Variants in TASP1 observed in about 807,000 individuals in gnomAD.
TASP1 encodes taspase 1, also known as threonine aspartase 1.
In TASP1, 16 loss-of-function variants were observed where a neutral mutation model predicts 56.6. That is an observed-to-expected ratio of 0.28 (90% CI 0.19 to 0.43). The LOEUF is 0.43. TASP1 is among the 20% of genes least tolerant of loss of function. The probability of loss-of-function intolerance (pLI) is 1.00; values close to 1 mark genes in which losing one functional copy is unlikely to be tolerated. For synonymous variants in TASP1, 179 were observed against 184.2 expected, an observed-to-expected ratio of 0.97 and a Z score of 0.23; for missense variants, 393 against 511.6, an observed-to-expected ratio of 0.77 and a Z score of 2.24.
At chr20:13,237,420 C>G in the TASP1 span, among the ~76,000 whole-genome samples, 960 of 152,308 alleles carry the variant, frequency 6.3e-3, 17 homozygotes, top group African/African-American at 0.022. Context: ...ATGCAACATG[C>G]ACAATTTCAC....
At chr20:13,155,721 G>T in the TASP1 span, among the ~76,000 whole-genome samples, 1 of 152,128 alleles carries the variant, frequency 6.6e-6, no homozygotes, top group Non-Finnish European at 1.5e-5. Flanking sequence ...AGCTACTCGG[G>T]AGGCTGAGGC....
intron 10 of TASP1, among the ~76,000 whole-genome samples, chr20:13,523,138 T>C (rs1427664005): frequency 6.6e-6 from 1 of 151,926 alleles, no homozygotes. Context: ...GTATAGAAAA[T>C]TCCTTGAGGT....
chr20:13,298,589 A>G, the TASP1 span, among the ~76,000 whole-genome samples: 1 of 152,236 alleles, frequency 6.6e-6, no homozygotes, highest in African/African-American at 2.4e-5. Context: ...AAACAAATAT[A>G]ATAATAGTTA....
chr20:13,343,561 C>A, the TASP1 span, among the ~76,000 whole-genome samples: 9 of 150,096 alleles, frequency 6.0e-5, no homozygotes, highest in Admixed American at 5.9e-4. Context: ...CTGGATGGGG[C>A]CGCCCCACCC....
At chr20:13,269,394 A>G in the TASP1 span, among the ~76,000 whole-genome samples, 3 of 152,234 alleles carry the variant, frequency 2.0e-5, no homozygotes, top group Admixed American at 6.5e-5. Context: ...CAGCTGGGAA[A>G]AACAGTGGGC....
intron 13 of TASP1, among the ~76,000 whole-genome samples, chr20:13,399,561 T>C (rs562744084): frequency 6.6e-6 from 1 of 152,336 alleles, no homozygotes; most frequent in East Asian, 1.9e-4. Flanking sequence ...CTCATATCTC[T>C]ATCCAACCCA....
chr20:13,424,193 A>G (rs952720608), intron 12 of TASP1, among the ~76,000 whole-genome samples: 1 of 152,208 alleles, frequency 6.6e-6, no homozygotes, highest in Non-Finnish European at 1.5e-5. Context: ...GACATTTGTG[A>G]GTAAGTTTTA....
At chr20:13,325,205 G>A in the TASP1 span, among the ~76,000 whole-genome samples, 3 of 152,186 alleles carry the variant, frequency 2.0e-5, no homozygotes, top group Non-Finnish European at 4.4e-5. Flanking sequence ...CCCTTCTCAC[G>A]AGAAACGCAT....
intron 1 of TASP1, among the ~76,000 whole-genome samples, chr20:13,637,227 C>G (rs966877893): frequency 1.3e-5 from 2 of 152,070 alleles, no homozygotes; most frequent in Non-Finnish European, 2.9e-5. Context: ...ACTGCTATAA[C>G]CAAAAAGAAA....
rs765419491 is a variant in TASP1 at position 13,630,034 on chromosome 20, G to A, written c.45C>T (p.Ser15=). Residue 15 remains serine (S), a synonymous_variant, in exon 2 of 14, where the codon TCC becomes TCT. Transcript: ENST00000337743. ...KGMSSGEGLP[S]RSSQVSAGKI... is the part of the protein sequence containing the mutation. ...TACCAGCCGAAACCTGAGATGATCTGGAAGGCAGCCCTTCTCCAGAACTCA... is the reference window on the plus strand; with the variant it reads ...TACCAGCCGAAACCTGAGATGATCTAGAAGGCAGCCCTTCTCCAGAACTCA... The A allele has an allele frequency of 6.2e-7, 1 of 1,613,840 alleles. No homozygotes were observed. Among genetic ancestry groups the A allele is most frequent in the African/African-American group, 1.3e-5 (1 of 75,006 alleles).
intron 9 of TASP1, among the ~76,000 whole-genome samples, chr20:13,529,647 C>A (rs968667055): frequency 6.6e-6 from 1 of 152,062 alleles, no homozygotes; most frequent in Non-Finnish European, 1.5e-5. Context: ...GAATTGAAAA[C>A]AATAGCAAGC....
At chr20:13,608,576 C>T (rs1392328283) in intron 4 of TASP1, among the ~76,000 whole-genome samples, 1 of 152,238 alleles carries the variant, frequency 6.6e-6, no homozygotes, top group Non-Finnish European at 1.5e-5. Context: ...ATAAGCATGG[C>T]TGTGTTCCAA....
At chr20:13,570,493 G>A (rs2046675476) in intron 6 of TASP1, among the ~76,000 whole-genome samples, 1 of 151,924 alleles carries the variant, frequency 6.6e-6, no homozygotes, top group Non-Finnish European at 1.5e-5. Context: ...CTTAAGATTT[G>A]ACTGCTAATA....
chr20:13,108,737 C>CTTAA, the TASP1 span, among the ~76,000 whole-genome samples: 1 of 152,066 alleles, frequency 6.6e-6, no homozygotes, highest in Non-Finnish European at 1.5e-5. Context: ...ACCATACCCA[C>CTTAA]TTAATTTTTT....
the TASP1 span, among the ~76,000 whole-genome samples, chr20:13,194,310 A>G: frequency 0.29 from 43,689 of 151,966 alleles, 6,677 homozygotes; most frequent in African/African-American, 0.36. Flanking sequence ...AGGTGAATAC[A>G]TTGTGCAAAA....
In TASP1 at chr20:13,455,850, GC is replaced by G. The variant is rs1261058457; in HGVS notation, c.986-20697del. 4.6e-5 allele frequency among the ~76,000 whole-genome samples: 7 copies of G among 152,236 alleles called. No homozygotes were observed. The East Asian group carries it at 1.4e-3, about 30-fold the overall frequency. On this transcript the variant is annotated intron_variant, in intron 11 of 13. Coordinates refer to ENST00000337743, the MANE Select transcript of TASP1 (RefSeq NM_017714.3). ...AAACCGCTGATTTACATGGGGCATTGCCCCATAAACTTTTCACAAGGCAATA... is the reference window on the plus strand; with the variant it reads ...AAACCGCTGATTTACATGGGGCATTGCCCATAAACTTTTCACAAGGCAATA...
intron 4 of TASP1, chr20:13,600,713 A>T (rs758715833): frequency 6.6e-6 from 1 of 152,184 alleles, no homozygotes; most frequent in Non-Finnish European, 1.5e-5. Context: ...AAAATAATTG[A>T]ATTTTATCAC....
At chr20:13,633,418 T>G (rs1406025610) in intron 1 of TASP1, among the ~76,000 whole-genome samples, 6 of 152,160 alleles carry the variant, frequency 3.9e-5, no homozygotes, top group Non-Finnish European at 8.8e-5. Flanking sequence ...CTGAATGAAT[T>G]ATTTATAAAA....
chr20:13,553,758 G>A (rs1032225219), intron 8 of TASP1, among the ~76,000 whole-genome samples: 1 of 152,126 alleles, frequency 6.6e-6, no homozygotes, highest in East Asian at 1.9e-4. Flanking sequence ...TTAATTGTGG[G>A]GAAGGAGATT....
Sources: allele counts gnomAD v4.1 joint callset (sites outside exome capture counted in the v4.1 genomes callset), GRCh38; gene constraint gnomAD v4.1.1; transcripts MANE v1.5; gene names NCBI Gene and HGNC (gene_info 2026-07-23, HGNC 2026-07-21).